Variants in SRC observed in about 807,000 individuals in gnomAD.
SRC encodes proto-oncogene tyrosine-protein kinase Src.
Under a neutral mutation model 62.9 loss-of-function variants are expected in SRC, and 13 were observed. The ratio of observed to expected loss-of-function variants is 0.21; its 90% CI spans 0.13 to 0.33. The LOEUF (loss-of-function observed/expected upper bound fraction) is 0.33. Among genes scored for constraint, SRC ranks in the 10% least tolerant of loss-of-function variants. The pLI is 1.00. For synonymous variants in SRC, 302 were observed against 317.5 expected (o/e 0.95, Z 0.52); for missense variants, 457 against 737.3 (o/e 0.62, Z 4.40).
At chr20:37,346,619 C>A (rs2069725195) in intron 1 of SRC, among the ~76,000 whole-genome samples, 1 of 146,928 alleles carries the variant, frequency 6.8e-6, no homozygotes, top group East Asian at 2.2e-4. Flanking sequence ...CTGAGCCAGT[C>A]GGCGCCGCCT....
At chr20:37,386,285 A>G (rs2070454266) in intron 5 of SRC, 111 bp downstream of exon 5, 2 of 1,086,238 alleles carry the variant, frequency 1.8e-6, no homozygotes, top group Non-Finnish European at 2.8e-6. Context: ...AGCCCAGGGC[A>G]GTGCGAAGCC....
chr20:37,356,666 T>C (rs944487736), intron 1 of SRC, among the ~76,000 whole-genome samples: 1 of 152,178 alleles, frequency 6.6e-6, no homozygotes, highest in African/African-American at 2.4e-5. Context: ...GGGCAAGGGC[T>C]CTGGGGTTAG....
At chr20:37,385,997 C>T in intron 4 of SRC, 78 bp from the exon 5 acceptor site, 3 of 1,171,532 alleles carry the variant, frequency 2.6e-6, no homozygotes, top group Non-Finnish European at 3.8e-6. Context: ...TCCACTCCTC[C>T]TGGGTACAGG....
chr20:37,394,386 C>A (rs2070604867), intron 7 of SRC, 109 bp downstream of exon 7: 2 of 920,786 alleles, frequency 2.2e-6, no homozygotes, highest in East Asian at 2.5e-5. Context: ...AGGGAAGAAC[C>A]TTCCGGGTGG....
At chr20:37,367,159 A>G (rs560242041) in intron 2 of SRC, among the ~76,000 whole-genome samples, 1 of 150,102 alleles carries the variant, frequency 6.7e-6, no homozygotes, top group East Asian at 2.0e-4. Context: ...TGCAACCTCA[A>G]ACTCTTGGGC....
intron 2 of SRC, among the ~76,000 whole-genome samples, chr20:37,381,291 G>T (rs1055631707): frequency 6.6e-6 from 1 of 152,174 alleles, no homozygotes; most frequent in Non-Finnish European, 1.5e-5. Context: ...AGGGGTCAGG[G>T]GTTGTGTCTT....
chr20:37,362,191 A>G (rs2069985158), intron 1 of SRC, among the ~76,000 whole-genome samples: 1 of 149,438 alleles, frequency 6.7e-6, no homozygotes, highest in Non-Finnish European at 1.5e-5. Context: ...AGTAGCTGGA[A>G]CTCTTGGGCA....
At chr20:37,399,478 C>T (rs1345565261) in intron 9 of SRC, among the ~76,000 whole-genome samples, 1 of 152,126 alleles carries the variant, frequency 6.6e-6, no homozygotes, top group Non-Finnish European at 1.5e-5. Flanking sequence ...ATGACTAACC[C>T]AGAAGTGACA....
chr20:37,394,915 C>T (rs933657139), intron 7 of SRC, among the ~76,000 whole-genome samples: 2 of 151,642 alleles, frequency 1.3e-5, no homozygotes, highest in African/African-American at 4.9e-5. Flanking sequence ...TACATCTGGG[C>T]GTGTGTGTGT....
Position 37,393,983 on chromosome 20 carries a change from C to T in SRC, c.439C>T (p.Gln147Ter), listed in dbSNP as rs770029502. 6.2e-7 allele frequency: 1 copy of T among 1,613,906 alleles called. No individual in the cohort carries two copies. Among genetic ancestry groups the T allele is most frequent in the South Asian group, 1.1e-5 (1 of 91,076 alleles). ...CTACGTGGCGCCCTCCGACTCCATC[C>T]AGGCTGAGGAGTGAGTACCGTCTCT... is the stretch of plus-strand genomic sequence containing the variant. ...SNYVAPSDSI[Q>*]AEEWYFGKIT... is the part of the protein sequence containing the mutation. Residue 147 changes from glutamine to a stop codon, truncating the protein, a stop_gained, in exon 6 of 14, where the codon CAG becomes TAG. Transcript: ENST00000373578. LOFTEE classifies it high-confidence loss of function.
chr20:37,354,004 G>A (rs914814340), intron 1 of SRC, among the ~76,000 whole-genome samples: 4 of 152,162 alleles, frequency 2.6e-5, no homozygotes, highest in Non-Finnish European at 4.4e-5. Context: ...TGTGTCCAAC[G>A]CCCTCAGCAA....
At chr20:37,386,376 C>T (rs1265165727) in intron 5 of SRC, 7 of 720,566 alleles carry the variant, frequency 9.7e-6, no homozygotes, top group African/African-American at 1.7e-5. Context: ...ATGGGGAACT[C>T]CTCCCAATCC....
rs112779602 is a variant in SRC at position 37,357,467 on chromosome 20, C to T, written c.-246-7737C>T. Among the ~76,000 whole-genome samples the T allele has an allele frequency of 4.6e-5, 7 of 152,334 alleles. 1 individual carries two copies. The highest frequency in any genetic ancestry group is 1.7e-4 in the African/African-American group (7 of 41,566). On this transcript the variant is annotated intron_variant, in intron 1 of 13. Transcript: ENST00000373578. ...TACTCACTCCATGCTAGGCTGTGTG[C>T]CTTTGGCCAGTGTCTGTTCTGACCC...
chr20:37,391,975 C>T (rs1483092835), intron 5 of SRC, among the ~76,000 whole-genome samples: 1 of 152,210 alleles, frequency 6.6e-6, no homozygotes, highest in Non-Finnish European at 1.5e-5. Context: ...CCCTGCCTTC[C>T]TCCCTTGCAG....
At position 37,401,621 on chromosome 20, in the gene SRC, C is replaced by G. The variant is rs1252195485; in HGVS notation, c.1059C>G (p.Leu353=). Residue 353 remains leucine (L), a synonymous_variant, in exon 11 of 14, where the codon CTC becomes CTG. Transcript: ENST00000373578. ...YMSKGSLLDF[L]KGETGKYLRL... ...GCCCAGGGAGTTTGCTGGACTTTCTCAAGGGGGAGACAGGCAAGTACCTGC... is the reference window on the plus strand; with the variant it reads ...GCCCAGGGAGTTTGCTGGACTTTCTGAAGGGGGAGACAGGCAAGTACCTGC... The G allele has an allele frequency of 4.3e-6, 7 of 1,610,892 alleles. No individual in the cohort carries two copies. Among genetic ancestry groups the G allele is most frequent in the Non-Finnish European group, 5.9e-6 (7 of 1,178,758 alleles).
At position 37,396,733 on chromosome 20, in the gene SRC, G is replaced by A. The variant is rs1003892701; in HGVS notation, c.703+422G>A. Reference sequence around the variant, plus strand: ...CGGCCAGATCGATTGCAGCAAAGAGGGAAGAGAGCGGCAGAGGGAGCTCGC... The same window carrying A: ...CGGCCAGATCGATTGCAGCAAAGAGAGAAGAGAGCGGCAGAGGGAGCTCGC... On this transcript the variant is annotated intron_variant, in intron 8 of 13. Transcript: ENST00000373578. This position sits in a 1 kb window ranked among gnomAD's most constrained non-coding sequence, Gnocchi z 6.1. 9 of 195,316 alleles carry A rather than the reference G, an allele frequency of 4.6e-5. No individual in the cohort carries two copies. The highest frequency in any genetic ancestry group is 2.1e-4 in the African/African-American group (9 of 42,872). The allele number at this position is 195,316 out of a possible 1,614,324, so 12.1% of individuals were successfully genotyped here.
At chr20:37,355,988 G>A (rs2069877208) in intron 1 of SRC, among the ~76,000 whole-genome samples, 1 of 152,216 alleles carries the variant, frequency 6.6e-6, no homozygotes, top group South Asian at 2.1e-4. Flanking sequence ...GACTCTTGCT[G>A]CAGGTGTGGA....
At chr20:37,358,705 G>C (rs894804634) in intron 1 of SRC, among the ~76,000 whole-genome samples, 29 of 152,232 alleles carry the variant, frequency 1.9e-4, no homozygotes, top group Admixed American at 6.5e-4. Context: ...AGCGGTCAGG[G>C]CTGGGACAGT....
Position 37,403,113 on chromosome 20 carries a change from TC to T in SRC, c.1403-53del. ...GCCCTCGCTGCCCTCCCCATCAGCTTCCCCCACCCCACTTTCCTCACCGGAG... is the reference window on the plus strand; with the variant it reads ...GCCCTCGCTGCCCTCCCCATCAGCTTCCCCACCCCACTTTCCTCACCGGAG... On this transcript the variant is annotated intron_variant, in intron 13 of 13. Transcript: ENST00000373578. This position sits in a 1 kb window ranked among gnomAD's most constrained non-coding sequence, Gnocchi z 7.1. 5 of 1,473,744 alleles carry T rather than the reference TC, an allele frequency of 3.4e-6. No homozygotes were observed. The highest frequency in any genetic ancestry group is 4.5e-6 in the Non-Finnish European group (5 of 1,107,706). 91.3% of individuals were successfully genotyped at this position (1,473,744 alleles called of 1,614,324 possible).
Sources: gnomAD v4.1 joint callset for allele counts (sites outside exome capture counted in the v4.1 genomes callset) on GRCh38, gnomAD v4.1.1 for gene constraint, Gnocchi (gnomAD v3.1) non-coding constraint, MANE v1.5 for transcripts, NCBI Gene and HGNC (gene_info 2026-07-23, HGNC 2026-07-21) for gene names.